SUPT3H: variants seen among roughly 807,000 people sequenced by gnomAD.
SUPT3H encodes SPT3 homolog, SAGA and STAGA complex component, also known as transcription initiation protein SPT3 homolog.
SUPT3H carries 44 observed loss-of-function variants against 44.3 expected under a neutral mutation model. That is an observed-to-expected ratio of 0.99 (90% CI 0.78 to 1.28). The LOEUF (loss-of-function observed/expected upper bound fraction) is 1.28. SUPT3H is among the 50% of genes most tolerant of loss of function. SUPT3H has a pLI of 0.00. For missense variants in SUPT3H, 380 were observed against 387.1 expected (o/e 0.98, Z 0.15); for synonymous variants, 124 against 125.6 (o/e 0.99, Z 0.09).
intron 10 of SUPT3H, among the ~76,000 whole-genome samples, chr6:44,895,492 T>G (rs951385527): frequency 6.6e-6 from 1 of 152,196 alleles, no homozygotes; most frequent in Non-Finnish European, 1.5e-5. Context: ...TTTGGAACTG[T>G]AGATATATTC....
chr6:45,123,406 C>T (rs1801960704), intron 2 of SUPT3H, among the ~76,000 whole-genome samples: 1 of 149,044 alleles, frequency 6.7e-6, no homozygotes, highest in African/African-American at 2.5e-5. Flanking sequence ...TAGGGTCTCG[C>T]TTTGTCACCC....
At chr6:44,994,544 T>C (rs1781022510) in intron 6 of SUPT3H, among the ~76,000 whole-genome samples, 1 of 152,104 alleles carries the variant, frequency 6.6e-6, no homozygotes, top group Non-Finnish European at 1.5e-5. Context: ...TACACTCAAC[T>C]TCAGGGATGA....
chr6:44,826,232 C>G (rs1486337057), downstream of SUPT3H, among the ~76,000 whole-genome samples: 2 of 152,204 alleles, frequency 1.3e-5, no homozygotes, highest in Non-Finnish European at 2.9e-5. Flanking sequence ...GCTAGATGCC[C>G]TCTGCAGAAA....
At chr6:44,997,942 T>C (rs893679728) in intron 6 of SUPT3H, among the ~76,000 whole-genome samples, 6 of 151,920 alleles carry the variant, frequency 3.9e-5, no homozygotes, top group Non-Finnish European at 1.5e-5. Context: ...GATAGTAATA[T>C]ATTTTCTAAT....
chr6:45,225,915 A>C (rs1229402611), intron 2 of SUPT3H, among the ~76,000 whole-genome samples: 1 of 152,172 alleles, frequency 6.6e-6, no homozygotes, highest in East Asian at 1.9e-4. Context: ...ACTCTACATA[A>C]CAAGCAATAA....
Position 45,002,210 on chromosome 6 carries a change from T to C in SUPT3H, c.504+1443A>G, listed in dbSNP as rs925868674. On this transcript the variant is annotated intron_variant, in intron 6 of 10. Transcript: ENST00000371459. Reference sequence around the variant, plus strand: ...ACTGCATAAGTACCCAAGCTTTTTCTACCCTGCATCTCCAGATATTTTATT... The same window carrying C: ...ACTGCATAAGTACCCAAGCTTTTTCCACCCTGCATCTCCAGATATTTTATT... 2.6e-5 allele frequency among the ~76,000 whole-genome samples: 4 copies of C among 152,176 alleles called. No homozygotes were observed. The East Asian group carries it at 7.7e-4, about 29-fold the overall frequency.
intron 2 of SUPT3H, among the ~76,000 whole-genome samples, chr6:45,259,029 T>C (rs140264775): frequency 6.6e-5 from 10 of 152,310 alleles, no homozygotes; most frequent in African/African-American, 2.4e-4. Flanking sequence ...TCATCAATCA[T>C]ATTTTAACCA....
At chr6:44,937,338 A>T (rs1290106285) in intron 9 of SUPT3H, among the ~76,000 whole-genome samples, 3 of 151,954 alleles carry the variant, frequency 2.0e-5, no homozygotes, top group Non-Finnish European at 2.9e-5. Flanking sequence ...CTAAAAATAT[A>T]AAAAAATTAG....
chr6:45,302,228 A>G (rs1782239797), intron 2 of SUPT3H, among the ~76,000 whole-genome samples: 1 of 151,840 alleles, frequency 6.6e-6, no homozygotes, highest in Non-Finnish European at 1.5e-5. Context: ...CACTGAACCC[A>G]ATTTGTAGTC....
intron 3 of SUPT3H, among the ~76,000 whole-genome samples, chr6:45,027,261 G>T (rs986804682): frequency 6.6e-6 from 1 of 151,998 alleles, no homozygotes; most frequent in Non-Finnish European, 1.5e-5. Flanking sequence ...AAAGTGCTGG[G>T]ATTACAGGCA....
At chr6:45,293,621 C>T (rs1407247906) in intron 2 of SUPT3H, among the ~76,000 whole-genome samples, 1 of 151,944 alleles carries the variant, frequency 6.6e-6, no homozygotes, top group East Asian at 1.9e-4. Context: ...GAGAGAAAAT[C>T]GATATAAGCT....
At chr6:45,030,770 G>A (rs919443151) in intron 3 of SUPT3H, among the ~76,000 whole-genome samples, 1 of 152,020 alleles carries the variant, frequency 6.6e-6, no homozygotes, top group Non-Finnish European at 1.5e-5. Context: ...CCCTTGTTTT[G>A]GCAAAAGCAA....
At chr6:45,281,482 C>A (rs1778062108) in intron 2 of SUPT3H, among the ~76,000 whole-genome samples, 1 of 152,184 alleles carries the variant, frequency 6.6e-6, no homozygotes, top group South Asian at 2.1e-4. Context: ...GCCCACAAAG[C>A]CTCGCTCATT....
intron 2 of SUPT3H, among the ~76,000 whole-genome samples, chr6:45,158,298 A>ATATATATATATATATATATAATTTTT: frequency 2.0e-5 from 2 of 99,694 alleles, no homozygotes; most frequent in South Asian, 3.0e-4. Context: ...ATATATATAT[A>ATATATATATATATATATATAATTTTT]TTTTTTTTTT....
chr6:45,200,965 T>C (rs1762384278), intron 2 of SUPT3H, among the ~76,000 whole-genome samples: 1 of 151,574 alleles, frequency 6.6e-6, no homozygotes, highest in Admixed American at 6.6e-5. Flanking sequence ...CAGTCATGTG[T>C]ACAAATATAC....
intron 3 of SUPT3H, among the ~76,000 whole-genome samples, chr6:45,041,158 C>T (rs1326721591): frequency 6.6e-6 from 1 of 151,784 alleles, no homozygotes; most frequent in South Asian, 2.1e-4. Flanking sequence ...GCTTCCATTA[C>T]GTTAGGGAAT....
intron 2 of SUPT3H, among the ~76,000 whole-genome samples, chr6:45,351,685 T>C (rs551465610): frequency 6.6e-6 from 1 of 152,268 alleles, no homozygotes; most frequent in South Asian, 2.1e-4. Context: ...TTTCTCCAAA[T>C]TGATCAACTC....
At chr6:45,154,238 A>G (rs1030955075) in intron 2 of SUPT3H, among the ~76,000 whole-genome samples, 2 of 152,038 alleles carry the variant, frequency 1.3e-5, no homozygotes, top group African/African-American at 2.4e-5. Flanking sequence ...CTTCACACCT[A>G]CTATATAGGA....
At chr6:44,932,192 G>A (rs1034660242) in intron 10 of SUPT3H, among the ~76,000 whole-genome samples, 5 of 152,122 alleles carry the variant, frequency 3.3e-5, no homozygotes, top group African/African-American at 1.2e-4. Flanking sequence ...ATTTGAAGAT[G>A]TAAAAGGCTG....
Sources: allele counts gnomAD v4.1 joint callset (sites outside exome capture counted in the v4.1 genomes callset), GRCh38; gene constraint gnomAD v4.1.1; transcripts MANE v1.5; gene names NCBI Gene and HGNC (gene_info 2026-07-23, HGNC 2026-07-21).